The following SYT9 variants were observed in gnomAD, a reference collection of about 807,000 sequenced individuals.
SYT9 encodes synaptotagmin 9, also known as synaptotagmin-9.
SYT9 carries 22 observed loss-of-function variants against 48.4 expected under a neutral mutation model. That is an observed-to-expected ratio of 0.45 (90% CI 0.32 to 0.65). The LOEUF is 0.65. SYT9 is among the 30% of genes least tolerant of loss of function. The pLI is 0.03. For missense variants in SYT9, 577 were observed against 622.0 expected, an observed-to-expected ratio of 0.93 and a Z score of 0.77; for synonymous variants, 265 against 245.0, an observed-to-expected ratio of 1.08 and a Z score of -0.76.
chr11:7,355,624 TACTC>T (rs1407557053), intron 3 of SYT9, among the ~76,000 whole-genome samples: 2 of 152,204 alleles, frequency 1.3e-5, no homozygotes, highest in Non-Finnish European at 2.9e-5. Flanking sequence ...GTTAAACAAA[TACTC>T]AGCTACTGTC....
chr11:7,389,095 C>T (rs1244795355), intron 3 of SYT9, among the ~76,000 whole-genome samples: 1 of 152,200 alleles, frequency 6.6e-6, no homozygotes, highest in African/African-American at 2.4e-5. Context: ...CAGCTCTTTA[C>T]TGGTTCCTGA....
At chr11:7,295,120 G>A (rs1848774034) in intron 1 of SYT9, among the ~76,000 whole-genome samples, 1 of 152,134 alleles carries the variant, frequency 6.6e-6, no homozygotes, top group South Asian at 2.1e-4. Context: ...TTTGCAATGT[G>A]GATAGACTGA....
In SYT9 at chr11:7,313,832, G is replaced by A. The variant is rs766823621; in HGVS notation, c.935G>A (p.Arg312Lys). The A allele has an allele frequency of 6.2e-7, 1 of 1,614,074 alleles. No homozygotes were observed. The highest frequency in any genetic ancestry group is 1.3e-5 in the African/African-American group (1 of 74,942). ...CACTTCTCTGTGTACGACTTTGACAGGTTCTCTCGTCATGACTTAATCGGC... is the reference window on the plus strand; with the variant it reads ...CACTTCTCTGTGTACGACTTTGACAAGTTCTCTCGTCATGACTTAATCGGC... ...KLHFSVYDFD[R>K]FSRHDLIGQV... The change falls in exon 3 of 7, where the codon AGG becomes AAG. Residue 312 changes from arginine to lysine, a missense_variant. Coordinates refer to ENST00000318881, the MANE Select transcript of SYT9 (RefSeq NM_175733.4).
At chr11:7,310,824 G>T (rs963919782) in intron 2 of SYT9, among the ~76,000 whole-genome samples, 9 of 152,112 alleles carry the variant, frequency 5.9e-5, no homozygotes, top group Non-Finnish European at 1.2e-4. Flanking sequence ...CAGGGAATGG[G>T]ATCTTTCTTC....
At chr11:7,359,895 C>T (rs1329478003) in intron 3 of SYT9, among the ~76,000 whole-genome samples, 3 of 152,120 alleles carry the variant, frequency 2.0e-5, no homozygotes, top group African/African-American at 7.2e-5. Flanking sequence ...GTTACCATTG[C>T]TTTTGGTGTT....
At chr11:7,277,312 A>G (rs908575170) in intron 1 of SYT9, among the ~76,000 whole-genome samples, 1 of 152,210 alleles carries the variant, frequency 6.6e-6, no homozygotes, top group African/African-American at 2.4e-5. Context: ...ATAAAATTAC[A>G]TTTCCAAAAT....
At chr11:7,342,878 T>C (rs567065849) in intron 3 of SYT9, among the ~76,000 whole-genome samples, 1 of 152,274 alleles carries the variant, frequency 6.6e-6, no homozygotes, top group Non-Finnish European at 1.5e-5. Flanking sequence ...TAGACAGAGG[T>C]TCCCAAATCT....
intron 3 of SYT9, among the ~76,000 whole-genome samples, chr11:7,399,462 A>G (rs989125013): frequency 6.6e-6 from 1 of 152,232 alleles, no homozygotes; most frequent in South Asian, 2.1e-4. Flanking sequence ...GAGGGGAATT[A>G]TGAATATTTA....
intron 3 of SYT9, among the ~76,000 whole-genome samples, chr11:7,321,096 G>A (rs1184731090): frequency 6.6e-6 from 1 of 152,086 alleles, no homozygotes; most frequent in Non-Finnish European, 1.5e-5. Context: ...GATCACCTCA[G>A]TTAGACTCTG....
chr11:7,373,172 A>G (rs564773477), intron 3 of SYT9, among the ~76,000 whole-genome samples: 1 of 151,668 alleles, frequency 6.6e-6, no homozygotes, highest in East Asian at 1.9e-4. Context: ...TCACATAAGA[A>G]TTGACCTATA....
At chr11:7,398,193 G>C (rs1447572066) in intron 3 of SYT9, among the ~76,000 whole-genome samples, 2 of 152,060 alleles carry the variant, frequency 1.3e-5, no homozygotes, top group Non-Finnish European at 2.9e-5. Flanking sequence ...TTTATCAAAT[G>C]ATCATTTTGC....
chr11:7,447,325 G>C (rs1847952862), intron 6 of SYT9, among the ~76,000 whole-genome samples: 2 of 152,142 alleles, frequency 1.3e-5, no homozygotes, highest in Non-Finnish European at 2.9e-5. Context: ...AGGGCACACA[G>C]AGGCCTTCAC....
chr11:7,432,148 T>C (rs192168204), intron 6 of SYT9, among the ~76,000 whole-genome samples: 10 of 152,186 alleles, frequency 6.6e-5, no homozygotes, highest in Non-Finnish European at 1.2e-4. Flanking sequence ...GGGCCAACCC[T>C]GCAAAACCAT....
intron 6 of SYT9, among the ~76,000 whole-genome samples, chr11:7,431,949 G>A (rs1590024310): frequency 2.6e-5 from 4 of 152,356 alleles, no homozygotes; most frequent in Admixed American, 2.6e-4. Flanking sequence ...ACCTCTACTA[G>A]GGCAGTGCTA....
At chr11:7,407,360 ATTTTTTTTTTTTTTTTTT>A (rs756378336) in intron 3 of SYT9, among the ~76,000 whole-genome samples, 1 of 37,772 alleles carries the variant, frequency 2.6e-5, no homozygotes, top group East Asian at 6.3e-4. Flanking sequence ...TAAGTCTATA[ATTTTTTTTTTTTTTTTTT>A]TTTTTTTTTT....
At chr11:7,259,900 AG>A (rs1290525742) in intron 1 of SYT9, among the ~76,000 whole-genome samples, 23 of 152,256 alleles carry the variant, frequency 1.5e-4, no homozygotes, top group African/African-American at 5.3e-4. Flanking sequence ...TTCAATAAAT[AG>A]GGATTCGTTG....
intron 1 of SYT9, among the ~76,000 whole-genome samples, chr11:7,261,581 T>C (rs191027922): frequency 6.6e-6 from 1 of 151,998 alleles, no homozygotes; most frequent in East Asian, 1.9e-4. Context: ...TAGTAGTAAG[T>C]GCTAAGGGAA....
chr11:7,262,674 G>A (rs1848101596), intron 1 of SYT9, among the ~76,000 whole-genome samples: 1 of 152,082 alleles, frequency 6.6e-6, no homozygotes, highest in Admixed American at 6.6e-5. Flanking sequence ...GCTACTGTTA[G>A]GTCAAGCAGA....
intron 6 of SYT9, among the ~76,000 whole-genome samples, chr11:7,432,578 AAAAAATATATATACATATATATATATAT>A (rs1268585590): frequency 0.046 from 417 of 8,984 alleles, 17 homozygotes; most frequent in Non-Finnish European, 0.058. Flanking sequence ...AAAAAAAAAA[AAAAAATATATATACATATATATATATAT>A]ATATATATAT....
Sources: allele counts gnomAD v4.1 joint callset (sites outside exome capture counted in the v4.1 genomes callset), GRCh38; gene constraint gnomAD v4.1.1; transcripts MANE v1.5; gene names NCBI Gene and HGNC (gene_info 2026-07-23, HGNC 2026-07-21).